PRKCH: variants seen among roughly 807,000 people sequenced by gnomAD.
PRKCH encodes protein kinase C eta type.
A neutral mutation model predicts 82.5 loss-of-function variants in PRKCH; 28 were observed. The observed-to-expected ratio is 0.34, with a 90% CI of 0.25 to 0.47. PRKCH has a LOEUF of 0.47. Among genes scored for constraint, PRKCH ranks in the 20% least tolerant of loss-of-function variants. The pLI is 1.00. For missense variants in PRKCH, 705 were observed against 881.8 expected, an observed-to-expected ratio of 0.80 and a Z score of 2.54; for synonymous variants, 322 against 327.4, an observed-to-expected ratio of 0.98 and a Z score of 0.18.
At chr14:61,246,532 C>T (rs1048193587) in intron 1 of PRKCH, among the ~76,000 whole-genome samples, 4 of 152,082 alleles carry the variant, frequency 2.6e-5, no homozygotes, top group African/African-American at 7.2e-5. Flanking sequence ...GGCCTTTCTC[C>T]CTTCAAATTA....
rs113652757 is a variant in PRKCH at position 61,282,993 on chromosome 14, A to G, written c.-19+95325A>G. Among the ~76,000 whole-genome samples the G allele has an allele frequency of 2.8e-3, 421 of 152,058 alleles. 3 individuals carry two copies. The highest frequency in any genetic ancestry group is 9.9e-3 in the African/African-American group (409 of 41,478). On this transcript the variant is annotated intron_variant, in intron 1 of 3. Coordinates refer to the PRKCH transcript ENST00000555185. ...CGTTTCATTGAATCACTAGTCCACA[A>G]AACTCGTCTCTAGGAAGGAATTCAG...
At chr14:61,480,179 A>G (rs1465543138) in intron 9 of PRKCH, among the ~76,000 whole-genome samples, 1 of 152,246 alleles carries the variant, frequency 6.6e-6, no homozygotes. Context: ...TTCTATGCAC[A>G]GGTTTAAATA....
In PRKCH at chr14:61,549,865, C is replaced by G. The variant is rs2043305426; in HGVS notation, c.*34C>G. On this transcript the variant is annotated 3_prime_UTR_variant, in exon 14 of 14. Transcript: ENST00000332981. The stretch of plus-strand genomic sequence containing the variant: ...GGAGTGAGAGAGAGGGCACGAGAAC[C>G]CAAAGGGAATAGAGATTCTCCAGGA... The G allele has an allele frequency of 6.2e-7, 1 of 1,602,444 alleles. No individual in the cohort carries two copies. Among genetic ancestry groups the G allele is most frequent in the Non-Finnish European group, 8.5e-7 (1 of 1,174,336 alleles).
chr14:61,548,721 G>A (rs186052834), intron 13 of PRKCH, among the ~76,000 whole-genome samples: 1 of 151,008 alleles, frequency 6.6e-6, no homozygotes, highest in Non-Finnish European at 1.5e-5. Context: ...AAAAAAGCCT[G>A]GTGTGGTGAT....
At chr14:61,359,431 T>A (rs2046194111) in intron 1 of PRKCH, among the ~76,000 whole-genome samples, 1 of 152,250 alleles carries the variant, frequency 6.6e-6, no homozygotes, top group African/African-American at 2.4e-5. Flanking sequence ...TTTAAGTTAT[T>A]TTTCCCAGAG....
At chr14:61,240,263 A>T (rs996449810) in intron 1 of PRKCH, among the ~76,000 whole-genome samples, 3 of 152,210 alleles carry the variant, frequency 2.0e-5, no homozygotes, top group Non-Finnish European at 4.4e-5. Flanking sequence ...GGAGCCTCCA[A>T]ACAGAGAAAC....
chr14:61,454,813 G>A (rs1884682155), intron 7 of PRKCH, among the ~76,000 whole-genome samples: 1 of 152,182 alleles, frequency 6.6e-6, no homozygotes, highest in Admixed American at 6.5e-5. Context: ...TTCCTGGTCA[G>A]CGTCTAGAGA....
At chr14:61,391,119 T>TTG in intron 1 of PRKCH, 106 bp from the exon 2 acceptor site, 4 of 858,470 alleles carry the variant, frequency 4.7e-6, no homozygotes, top group Non-Finnish European at 7.0e-6. Context: ...TTTATTTGAT[T>TTG]TGTGGCTGTG....
intron 1 of PRKCH, among the ~76,000 whole-genome samples, chr14:61,328,113 G>A (rs916489549): frequency 3.3e-5 from 5 of 151,588 alleles, no homozygotes; most frequent in Admixed American, 2.0e-4. Flanking sequence ...AGCCGGGCGC[G>A]GTGGCGGGCG....
In PRKCH at chr14:61,485,676, C is replaced by A. The variant is rs556528799; in HGVS notation, c.1433+20C>A. ...CTATAGGTGAGTTTTGGTTGCTGCCCTGTCTTCTAATTCACTGCCTCTTCC... is the reference window on the plus strand; with the variant it reads ...CTATAGGTGAGTTTTGGTTGCTGCCATGTCTTCTAATTCACTGCCTCTTCC... On this transcript the variant is annotated intron_variant, in intron 10 of 13. Transcript: ENST00000332981. 6.2e-7 allele frequency: 1 copy of A among 1,605,360 alleles called. No individual in the cohort carries two copies. The highest frequency in any genetic ancestry group is 8.5e-7 in the Non-Finnish European group (1 of 1,173,610).
chr14:61,187,502 C>T (rs150267407), upstream of PRKCH: 1 of 152,272 alleles, frequency 6.6e-6, no homozygotes, highest in Admixed American at 6.5e-5. Flanking sequence ...CAGTGGGTAT[C>T]AGAGCTCAGG....
chr14:61,494,220 G>C (rs1886569820), intron 10 of PRKCH, among the ~76,000 whole-genome samples: 1 of 152,156 alleles, frequency 6.6e-6, no homozygotes. Flanking sequence ...CCCAATAGGA[G>C]TCTCTTAAAT....
intron 1 of PRKCH, among the ~76,000 whole-genome samples, chr14:61,234,893 G>A (rs74957443): frequency 0.071 from 10,882 of 152,252 alleles, 428 homozygotes; most frequent in Middle Eastern, 0.12. Context: ...CATAGCCATA[G>A]GCAGTCTCTG....
intron 1 of PRKCH, among the ~76,000 whole-genome samples, chr14:61,353,333 T>C (rs2046106771): frequency 6.6e-6 from 1 of 152,218 alleles, no homozygotes; most frequent in Non-Finnish European, 1.5e-5. Flanking sequence ...AAGATACTTA[T>C]GAGATATAAA....
chr14:61,470,332 CACGA>C (rs1885443612), intron 9 of PRKCH, among the ~76,000 whole-genome samples: 2 of 64,956 alleles, frequency 3.1e-5, no homozygotes, highest in East Asian at 1.1e-3. Flanking sequence ...TTGCCACTTG[CACGA>C]TCTTTCTCAT....
intron 2 of PRKCH, among the ~76,000 whole-genome samples, chr14:61,398,106 G>C (rs894015169): frequency 1.3e-5 from 2 of 152,198 alleles, no homozygotes; most frequent in Non-Finnish European, 2.9e-5. Context: ...TGAAAAAGCT[G>C]CCTAATGTCA....
At chr14:61,465,089 T>G (rs999088634) in intron 9 of PRKCH, among the ~76,000 whole-genome samples, 9 of 152,236 alleles carry the variant, frequency 5.9e-5, no homozygotes, top group Non-Finnish European at 1.0e-4. Flanking sequence ...TTCTTACTAT[T>G]AAGTTGTTTG....
chr14:61,302,339 C>T (rs1314985053), intron 1 of PRKCH, among the ~76,000 whole-genome samples: 1 of 152,208 alleles, frequency 6.6e-6, no homozygotes, highest in African/African-American at 2.4e-5. Flanking sequence ...TGAAGCAGGA[C>T]TTACATGCCT....
intron 10 of PRKCH, among the ~76,000 whole-genome samples, chr14:61,512,436 TA>T (rs954800276): frequency 6.6e-6 from 1 of 152,070 alleles, no homozygotes; most frequent in African/African-American, 2.4e-5. Flanking sequence ...CGATTCCTAG[TA>T]AAAAATTTTT....
Sources: gnomAD v4.1 joint callset for allele counts (sites outside exome capture counted in the v4.1 genomes callset) on GRCh38, gnomAD v4.1.1 for gene constraint, MANE v1.5 for transcripts, NCBI Gene and HGNC (gene_info 2026-07-23, HGNC 2026-07-21) for gene names.